Variants in MLLT10 observed in about 807,000 individuals in gnomAD.
MLLT10 encodes the protein MLLT10 histone lysine methyltransferase DOT1L cofactor.
Under a neutral mutation model 129.1 loss-of-function variants are expected in MLLT10, and 30 were observed. That is an observed-to-expected ratio of 0.23 (90% confidence interval 0.17 to 0.32). The LOEUF (loss-of-function observed/expected upper bound fraction) is 0.32. MLLT10 is among the 10% of genes least tolerant of loss of function. MLLT10 has a pLI of 1.00. For synonymous variants in MLLT10, 490 were observed against 446.4 expected (o/e 1.10, Z -1.23); for missense variants, 1,119 against 1,268.3 (o/e 0.88, Z 1.79).
At chr10:21,555,896 A>T (rs1317014025) in intron 3 of MLLT10, among the ~76,000 whole-genome samples, 1 of 148,926 alleles carries the variant, frequency 6.7e-6, no homozygotes, top group African/African-American at 2.5e-5. Flanking sequence ...CGAACTCCCG[A>T]CCTCAGGTGA....
At chr10:21,728,858 T>C (rs2057720793) in intron 16 of MLLT10, among the ~76,000 whole-genome samples, 2 of 150,334 alleles carry the variant, frequency 1.3e-5, no homozygotes, top group Non-Finnish European at 3.0e-5. Context: ...CAAGACTCCA[T>C]GTCTACAATT....
At chr10:21,592,518 C>T (rs1157257009) in intron 4 of MLLT10, among the ~76,000 whole-genome samples, 10 of 151,636 alleles carry the variant, frequency 6.6e-5, no homozygotes, top group Admixed American at 4.6e-4. Context: ...CGTAGTGGCG[C>T]GATCTCGACT....
chr10:21,696,215 T>A (rs183996836), intron 13 of MLLT10, among the ~76,000 whole-genome samples: 3,473 of 152,164 alleles, frequency 0.023, 115 homozygotes, highest in African/African-American at 0.074. Context: ...TATTATTATT[T>A]TTTTTTTGAG....
At chr10:21,684,309 A>G (rs1161350243) in intron 13 of MLLT10, among the ~76,000 whole-genome samples, 2 of 152,190 alleles carry the variant, frequency 1.3e-5, no homozygotes, top group Non-Finnish European at 2.9e-5. Flanking sequence ...TACAGCTTCA[A>G]GTATCACCTA....
intron 13 of MLLT10, among the ~76,000 whole-genome samples, chr10:21,692,037 G>A (rs899580489): frequency 2.0e-5 from 3 of 151,052 alleles, no homozygotes; most frequent in Non-Finnish European, 4.4e-5. Flanking sequence ...GCCAGGTGGG[G>A]TGGTGGCACG....
At chr10:21,671,766 C>T (rs1336719023) in intron 10 of MLLT10, among the ~76,000 whole-genome samples, 1 of 152,152 alleles carries the variant, frequency 6.6e-6, no homozygotes, top group Non-Finnish European at 1.5e-5. Context: ...GCCTGGGTGA[C>T]AGAGTGAGAC....
At chr10:21,677,864 T>C (rs1008575918) in intron 11 of MLLT10, among the ~76,000 whole-genome samples, 6 of 152,230 alleles carry the variant, frequency 3.9e-5, no homozygotes, top group African/African-American at 1.4e-4. Context: ...ACATTCACTA[T>C]AATACTAACT....
At chr10:21,579,513 T>C (rs76758945) in intron 3 of MLLT10, among the ~76,000 whole-genome samples, 2 of 145,548 alleles carry the variant, frequency 1.4e-5, no homozygotes, top group Non-Finnish European at 3.0e-5. Context: ...GAAGCCCTGG[T>C]TTTTTTTTTT....
In MLLT10 at chr10:21,534,820, C is replaced by T. The variant is rs1217611052; in HGVS notation, c.160+16C>T. 1.3e-6 allele frequency: 2 copies of T among 1,573,100 alleles called. No individual in the cohort carries two copies. The highest frequency in any genetic ancestry group is 1.7e-6 in the Non-Finnish European group (2 of 1,159,430). The stretch of plus-strand genomic sequence containing the variant: ...GTGCATCAAGGTAAACACCCAACCG[C>T]CCGCCGGGGCGCGCCGGCCTGCGCC... On this transcript the variant is annotated intron_variant, in intron 2 of 22. Transcript: ENST00000307729.
chr10:21,587,578 T>G (rs995192327), intron 4 of MLLT10, among the ~76,000 whole-genome samples: 7 of 152,134 alleles, frequency 4.6e-5, no homozygotes, highest in Non-Finnish European at 1.0e-4. Flanking sequence ...TTCTGAAATG[T>G]GTAGACATGA....
chr10:21,716,135 G>A (rs527927459), intron 14 of MLLT10, among the ~76,000 whole-genome samples: 1 of 152,352 alleles, frequency 6.6e-6, no homozygotes, highest in East Asian at 1.9e-4. Flanking sequence ...TCTAGGCAAT[G>A]TGCAAAGGAA....
At chr10:21,631,921 T>G (rs1196568355) in intron 8 of MLLT10, among the ~76,000 whole-genome samples, 3 of 123,912 alleles carry the variant, frequency 2.4e-5, no homozygotes, top group South Asian at 2.3e-4. Flanking sequence ...ACTTGAAGAG[T>G]TTTTTTTTTG....
chr10:21,538,888 A>C lies in MLLT10; in HGVS notation c.216A>C (p.Glu72Asp). 6.2e-7 allele frequency: 1 copy of C among 1,613,460 alleles called. No individual in the cohort carries two copies. Among genetic ancestry groups the C allele is most frequent in the Non-Finnish European group, 8.5e-7 (1 of 1,179,448 alleles). Residue 72 changes from glutamate to aspartate, a missense_variant, in exon 3 of 23, where the codon GAA becomes GAC. Glu to Asp is a conservative substitution (Grantham distance 45). Around this residue, in one of 5 missense-constraint regions of MLLT10, gnomAD observed 33 missense variants for 76.9 expected, o/e 0.43. Coordinates refer to ENST00000307729, the MANE Select transcript of MLLT10 (RefSeq NM_001195626.3). ...GACCGTGGTTTTGCAGGAAATGTGA[A>C]TCTCAGGAGAGAGCAGCCAGAGTGG... Reference protein sequence around the residue: ...PTGPWFCRKCESQERAARVRC... With the variant: ...PTGPWFCRKCDSQERAARVRC...
chr10:21,740,288 A>G, intron 22 of MLLT10, 52 bp downstream of exon 22: 2 of 1,549,078 alleles, frequency 1.3e-6, no homozygotes, highest in South Asian at 1.2e-5. Flanking sequence ...GTATTGATTA[A>G]TCGGAGATGA....
At chr10:21,549,931 G>A (rs953587766) in intron 3 of MLLT10, among the ~76,000 whole-genome samples, 2 of 152,054 alleles carry the variant, frequency 1.3e-5, no homozygotes, top group African/African-American at 4.8e-5. Context: ...GAGCCATCGC[G>A]CCTAGCTCTG....
At chr10:21,646,673 C>T (rs1430335228) in intron 8 of MLLT10, among the ~76,000 whole-genome samples, 1 of 152,052 alleles carries the variant, frequency 6.6e-6, no homozygotes, top group Non-Finnish European at 1.5e-5. Flanking sequence ...GCTAATTATA[C>T]ATACTGATTC....
At chr10:21,719,996 A>G (rs781478604) in intron 14 of MLLT10, among the ~76,000 whole-genome samples, 22 of 152,322 alleles carry the variant, frequency 1.4e-4, no homozygotes, top group Admixed American at 2.6e-4. Context: ...AATTATTTCA[A>G]TAGCTGCCTT....
At chr10:21,561,894 C>T (rs889026130) in intron 3 of MLLT10, among the ~76,000 whole-genome samples, 12 of 151,932 alleles carry the variant, frequency 7.9e-5, no homozygotes, top group Admixed American at 5.9e-4. Context: ...CAACCTCTGC[C>T]TCCTGGGTTC....
intron 3 of MLLT10, among the ~76,000 whole-genome samples, chr10:21,553,251 G>A (rs569286588): frequency 2.6e-5 from 4 of 152,104 alleles, no homozygotes; most frequent in Non-Finnish European, 4.4e-5. Flanking sequence ...ATCATTTTCC[G>A]TCAGAATTTG....
Sources: gnomAD v4.1 joint callset for allele counts (sites outside exome capture counted in the v4.1 genomes callset) on GRCh38, gnomAD v4.1.1 for gene constraint, gnomAD v4.1.1 regional missense constraint, MANE v1.5 for transcripts, NCBI Gene and HGNC (gene_info 2026-07-23, HGNC 2026-07-21) for gene names.